ATF7IP: variants seen among roughly 807,000 people sequenced by gnomAD.
ATF7IP encodes activating transcription factor 7 interacting protein, also known as activating transcription factor 7-interacting protein 1.
In ATF7IP, 23 loss-of-function variants were observed where a neutral mutation model predicts 106.4. That is an observed-to-expected ratio of 0.22 (90% CI 0.16 to 0.31). The LOEUF is 0.31. ATF7IP is among the 10% of genes least tolerant of loss of function. The probability of loss-of-function intolerance (pLI) is 1.00; values close to 1 mark genes in which losing one functional copy is unlikely to be tolerated. For synonymous variants in ATF7IP, 542 were observed against 539.0 expected (o/e 1.01, Z -0.08); for missense variants, 1,334 against 1,524.3 (o/e 0.88, Z 2.08).
chr12:14,483,880 G>A (rs954699001), intron 13 of ATF7IP, among the ~76,000 whole-genome samples: 7 of 152,132 alleles, frequency 4.6e-5, no homozygotes, highest in African/African-American at 1.7e-4. Flanking sequence ...CACTCCTTTA[G>A]CCATAAAATG....
At chr12:14,382,413 G>T (rs1176653383) in intron 1 of ATF7IP, among the ~76,000 whole-genome samples, 1 of 152,112 alleles carries the variant, frequency 6.6e-6, no homozygotes, top group Admixed American at 6.5e-5. Context: ...TGCTTTTTTA[G>T]TAATATTAAT....
chr12:14,454,850 A>G (rs1286177997), intron 6 of ATF7IP, among the ~76,000 whole-genome samples: 1 of 152,032 alleles, frequency 6.6e-6, no homozygotes, highest in Non-Finnish European at 1.5e-5. Flanking sequence ...TTCTCCTGAA[A>G]TATTCTTTTA....
intron 13 of ATF7IP, among the ~76,000 whole-genome samples, chr12:14,491,124 C>T: frequency 6.6e-6 from 1 of 152,152 alleles, no homozygotes; most frequent in East Asian, 1.9e-4. Flanking sequence ...ATTGAATCTG[C>T]TGGGTCCTAT....
intron 1 of ATF7IP, among the ~76,000 whole-genome samples, chr12:14,409,776 C>T (rs183199403): frequency 4.0e-4 from 61 of 152,120 alleles, no homozygotes; most frequent in Admixed American, 2.8e-3. Flanking sequence ...AAAATGTGAA[C>T]GCTCTAAAGT....
chr12:14,455,759 A>AT (rs968190635), intron 6 of ATF7IP, among the ~76,000 whole-genome samples: 29 of 147,162 alleles, frequency 2.0e-4, no homozygotes, highest in East Asian at 9.9e-4. Flanking sequence ...TAATTTTTGT[A>AT]TTTTTTTTTT....
intron 8 of ATF7IP, 58 bp from the exon 9 acceptor site, chr12:14,460,437 T>A (rs1373527073): frequency 3.4e-6 from 5 of 1,456,328 alleles, no homozygotes; most frequent in Non-Finnish European, 4.7e-6. Context: ...TGTCATATTT[T>A]CTTAGTTGAT....
intron 6 of ATF7IP, among the ~76,000 whole-genome samples, chr12:14,454,381 T>C (rs1943343171): frequency 6.6e-6 from 1 of 152,180 alleles, no homozygotes; most frequent in Non-Finnish European, 1.5e-5. Context: ...GGTCCTGCCT[T>C]TGGTCTCTGA....
chr12:14,370,118 G>T (rs1938473634), intron 1 of ATF7IP, among the ~76,000 whole-genome samples: 1 of 152,028 alleles, frequency 6.6e-6, no homozygotes, highest in Non-Finnish European at 1.5e-5. Flanking sequence ...TGTATTTTTA[G>T]TAGAGACGAG....
At chr12:14,486,369 C>T (rs1458398673) in intron 13 of ATF7IP, among the ~76,000 whole-genome samples, 7 of 152,028 alleles carry the variant, frequency 4.6e-5, no homozygotes, top group Non-Finnish European at 1.0e-4. Context: ...GGTAAAAGGC[C>T]AGAGATCTCC....
At chr12:14,370,815 A>G (rs1296883929) in intron 1 of ATF7IP, among the ~76,000 whole-genome samples, 1 of 152,088 alleles carries the variant, frequency 6.6e-6, no homozygotes, top group African/African-American at 2.4e-5. Context: ...TAGTATCAGT[A>G]TGAAGTTAGA....
chr12:14,500,567 G>A lies in ATF7IP; in HGVS notation c.*2494G>A, dbSNP rs893353416. On this transcript the variant is annotated 3_prime_UTR_variant, in exon 15 of 15. Transcript: ENST00000261168. ...GTATATGTTTTGACCTGCAGTGGTT[G>A]CAATGTTGATATGTGTTCAAGATTA... 2.6e-5 allele frequency: 4 copies of A among 152,244 alleles called. No homozygotes were observed. The highest frequency in any genetic ancestry group is 3.9e-4 in the East Asian group (2 of 5,186). 9.4% of individuals were successfully genotyped at this position (152,244 alleles called of 1,614,324 possible).
In ATF7IP at chr12:14,388,229, T is replaced by C. The variant is rs116842878; in HGVS notation, c.-8+22402T>C. 1.2e-4 allele frequency among the ~76,000 whole-genome samples: 18 copies of C among 151,936 alleles called. No individual in the cohort carries two copies. In the East Asian group the frequency reaches 3.5e-3, roughly 30 times the overall value. On this transcript the variant is annotated intron_variant, in intron 1 of 14. Coordinates refer to ENST00000261168, the MANE Select transcript of ATF7IP (RefSeq NM_018179.5). ...CATGCCTGGCTAATTTTTATATTTTTAGTAGAGGTGAAGTTTCTTCCTGTT... is the reference window on the plus strand; with the variant it reads ...CATGCCTGGCTAATTTTTATATTTTCAGTAGAGGTGAAGTTTCTTCCTGTT...
At chr12:14,474,865 T>C (rs1033499464) in intron 10 of ATF7IP, among the ~76,000 whole-genome samples, 1 of 152,206 alleles carries the variant, frequency 6.6e-6, no homozygotes, top group Admixed American at 6.5e-5. Context: ...TATTTTACAT[T>C]TGTTGATGAT....
At chr12:14,405,172 A>G (rs926993399) in intron 1 of ATF7IP, among the ~76,000 whole-genome samples, 1 of 152,134 alleles carries the variant, frequency 6.6e-6, no homozygotes, top group Non-Finnish European at 1.5e-5. Flanking sequence ...CCAGTAGTAG[A>G]GATCTTGCTA....
intron 5 of ATF7IP, among the ~76,000 whole-genome samples, chr12:14,442,710 T>C: frequency 6.6e-6 from 1 of 152,236 alleles, no homozygotes; most frequent in East Asian, 1.9e-4. Flanking sequence ...AGACAAATTG[T>C]TCTATTGGTC....
At chr12:14,400,731 TG>T (rs1292291361) in intron 1 of ATF7IP, among the ~76,000 whole-genome samples, 1 of 152,194 alleles carries the variant, frequency 6.6e-6, no homozygotes, top group African/African-American at 2.4e-5. Flanking sequence ...GCACAATTCC[TG>T]CTTGTTTGTC....
intron 9 of ATF7IP, among the ~76,000 whole-genome samples, chr12:14,464,918 CAAAAAA>C (rs1943772607): frequency 6.6e-6 from 1 of 151,964 alleles, no homozygotes; most frequent in Non-Finnish European, 1.5e-5. Context: ...AATGTTATGA[CAAAAAA>C]TAAAAATGAG....
intron 9 of ATF7IP, 155 bp from the exon 10 acceptor site, chr12:14,466,371 T>C: frequency 3.1e-6 from 2 of 654,614 alleles, no homozygotes; most frequent in Admixed American, 3.0e-5. Flanking sequence ...TGAAAGATAC[T>C]ATAGCAGTGG....
chr12:14,494,323 A>ATG lies in ATF7IP; in HGVS notation c.3281-1907_3281-1906insGT, dbSNP rs1204607449. 3.4e-3 allele frequency among the ~76,000 whole-genome samples: 298 copies of ATG among 86,856 alleles called. 5 individuals carry two copies. The highest frequency in any genetic ancestry group is 5.7e-3 in the Admixed American group (46 of 8,104). The allele number at this position is 86,856 out of a possible 152,430, so 57.0% of individuals were successfully genotyped here. A position where few individuals can be genotyped will look rare whatever the true frequency, so the allele number is the denominator to read the frequency against. Reference sequence around the variant, plus strand: ...TATATATATATATATATATATATATATATATATATATGTGTGTGTGTATAT... The same window carrying ATG: ...TATATATATATATATATATATATATATGTATATATATATGTGTGTGTGTATAT... On this transcript the variant is annotated intron_variant, in intron 13 of 14. Coordinates refer to ENST00000261168, the MANE Select transcript of ATF7IP (RefSeq NM_018179.5).
Sources: gnomAD v4.1 joint callset for allele counts (sites outside exome capture counted in the v4.1 genomes callset) on GRCh38, gnomAD v4.1.1 for gene constraint, MANE v1.5 for transcripts, NCBI Gene and HGNC (gene_info 2026-07-23, HGNC 2026-07-21) for gene names.